PABPC4L: variants seen among roughly 807,000 people sequenced by gnomAD.
PABPC4L encodes the protein polyadenylate-binding protein 4-like.
For missense variants in PABPC4L, 452 were observed against 451.4 expected (o/e 1.00, Z -0.01); for synonymous variants, 169 against 164.1 (o/e 1.03, Z -0.23).
the PABPC4L span, among the ~76,000 whole-genome samples, chr4:133,952,335 T>C: frequency 6.6e-6 from 1 of 152,100 alleles, no homozygotes; most frequent in Non-Finnish European, 1.5e-5. Context: ...CCAGAATGCA[T>C]CTTTTGGATC....
At chr4:134,123,346 A>G in the PABPC4L span, among the ~76,000 whole-genome samples, 1 of 152,082 alleles carries the variant, frequency 6.6e-6, no homozygotes, top group African/African-American at 2.4e-5. Context: ...TAAGAAGCAC[A>G]CAAATGAGAA....
the PABPC4L span, among the ~76,000 whole-genome samples, chr4:134,101,906 T>A: frequency 6.6e-6 from 1 of 151,670 alleles, no homozygotes; most frequent in Non-Finnish European, 1.5e-5. Flanking sequence ...ATATGTTTCA[T>A]TCAACCCATG....
chr4:134,155,412 T>TCACA, the PABPC4L span, among the ~76,000 whole-genome samples: 1,926 of 147,040 alleles, frequency 0.013, 33 homozygotes, highest in African/African-American at 0.039. Context: ...CTCTCCCAGT[T>TCACA]CACACACACA....
chr4:134,200,932 ACTT>A lies in PABPC4L; in HGVS notation c.85_87del (p.Lys29del), dbSNP rs1478181409. 6.4e-7 allele frequency: 1 copy of A among 1,560,132 alleles called. No individual in the cohort carries two copies. Among genetic ancestry groups the A allele is most frequent in the Non-Finnish European group, 8.7e-7 (1 of 1,151,852 alleles). ...GACAGCACAGGCCCCACAGTGCTGAACTTCCTGAACAGCAGGTCCTCGGTGACA... is the reference window on the plus strand; with the variant it reads ...GACAGCACAGGCCCCACAGTGCTGAACCTGAACAGCAGGTCCTCGGTGACA... On this transcript the variant is annotated inframe_deletion, in exon 2 of 2. Coordinates refer to ENST00000421491, the MANE Select transcript of PABPC4L (RefSeq NM_001114734.2).
At chr4:134,012,662 G>T in the PABPC4L span, among the ~76,000 whole-genome samples, 1 of 152,176 alleles carries the variant, frequency 6.6e-6, no homozygotes, top group East Asian at 1.9e-4. Flanking sequence ...TCCCTTGGGA[G>T]ATCAATCCCC....
the PABPC4L span, among the ~76,000 whole-genome samples, chr4:133,995,218 T>G: frequency 6.6e-6 from 1 of 152,218 alleles, no homozygotes; most frequent in Non-Finnish European, 1.5e-5. Flanking sequence ...CAGGGGCATA[T>G]AGAATGGGGT....
chr4:134,008,263 A>G, the PABPC4L span, among the ~76,000 whole-genome samples: 3 of 151,872 alleles, frequency 2.0e-5, no homozygotes, highest in African/African-American at 7.2e-5. Flanking sequence ...TTGGCCAATC[A>G]ATTATTTGAC....
At chr4:134,169,418 CAA>C in the PABPC4L span, among the ~76,000 whole-genome samples, 53 of 152,054 alleles carry the variant, frequency 3.5e-4, 1 homozygote, top group African/African-American at 1.1e-3. Flanking sequence ...CACTGTTATT[CAA>C]AAGAGTACTA....
chr4:134,110,684 T>C, the PABPC4L span, among the ~76,000 whole-genome samples: 1 of 151,648 alleles, frequency 6.6e-6, no homozygotes, highest in Non-Finnish European at 1.5e-5. Context: ...GTCCCTGATA[T>C]AAAATTGCAT....
the PABPC4L span, among the ~76,000 whole-genome samples, chr4:134,044,169 G>A: frequency 1.3e-5 from 2 of 152,052 alleles, no homozygotes; most frequent in African/African-American, 4.8e-5. Context: ...GGGCTCAAGT[G>A]ATCCACCTGC....
the PABPC4L span, among the ~76,000 whole-genome samples, chr4:134,054,246 GTATATGTATATATA>G: frequency 2.3e-3 from 171 of 74,060 alleles, 2 homozygotes; most frequent in Non-Finnish European, 2.5e-3. Flanking sequence ...TACTTTAGTT[GTATATGTATATATA>G]TATATATATA....
At chr4:134,108,689 TTGGTTTCAGA>T in the PABPC4L span, among the ~76,000 whole-genome samples, 5 of 151,870 alleles carry the variant, frequency 3.3e-5, no homozygotes, top group Non-Finnish European at 7.4e-5. Flanking sequence ...TGACTCTTCC[TTGGTTTCAGA>T]GGTTTCTGGG....
the PABPC4L span, among the ~76,000 whole-genome samples, chr4:133,997,616 G>A: frequency 1.1e-3 from 174 of 152,256 alleles, no homozygotes; most frequent in Non-Finnish European, 2.0e-3. Flanking sequence ...CCATTAAGAA[G>A]ATGTGTGACT....
chr4:134,097,533 G>A, the PABPC4L span, among the ~76,000 whole-genome samples: 1 of 151,684 alleles, frequency 6.6e-6, no homozygotes, highest in East Asian at 1.9e-4. Flanking sequence ...AATTCACTTT[G>A]GATTCTAGTT....
chr4:134,051,079 A>T, the PABPC4L span, among the ~76,000 whole-genome samples: 1 of 152,264 alleles, frequency 6.6e-6, no homozygotes, highest in East Asian at 1.9e-4. Context: ...TATCAACCAG[A>T]TGTCATAAAA....
the PABPC4L span, among the ~76,000 whole-genome samples, chr4:133,957,655 G>A: frequency 6.6e-6 from 1 of 152,184 alleles, no homozygotes; most frequent in Non-Finnish European, 1.5e-5. Flanking sequence ...GGTTCTCCAT[G>A]AGGGATGCAC....
At chr4:133,952,581 C>T in the PABPC4L span, among the ~76,000 whole-genome samples, 1 of 152,066 alleles carries the variant, frequency 6.6e-6, no homozygotes, top group Non-Finnish European at 1.5e-5. Flanking sequence ...AACTTTCCTC[C>T]CATTAATGAA....
At chr4:133,976,267 C>G in the PABPC4L span, among the ~76,000 whole-genome samples, 1 of 152,118 alleles carries the variant, frequency 6.6e-6, no homozygotes, top group Non-Finnish European at 1.5e-5. Flanking sequence ...CCATTCACGT[C>G]CCTGGAAAGG....
the PABPC4L span, among the ~76,000 whole-genome samples, chr4:134,139,888 T>C: frequency 1.3e-5 from 2 of 151,838 alleles, no homozygotes; most frequent in Non-Finnish European, 2.9e-5. Flanking sequence ...CATAAAATAG[T>C]GCATTTTCAG....
Sources: gnomAD v4.1 joint callset for allele counts (sites outside exome capture counted in the v4.1 genomes callset) on GRCh38, gnomAD v4.1.1 for gene constraint, MANE v1.5 for transcripts, NCBI Gene and HGNC (gene_info 2026-07-23, HGNC 2026-07-21) for gene names.